Variants in PBK observed in about 807,000 individuals in gnomAD.
PBK encodes the protein PDZ binding kinase.
PBK carries 22 observed loss-of-function variants against 33.5 expected under a neutral mutation model. That is an observed-to-expected ratio of 0.66 (90% CI 0.47 to 0.94). The LOEUF (loss-of-function observed/expected upper bound fraction) is 0.94. PBK is among the 40% of genes least tolerant of loss of function. The pLI, the probability that PBK is intolerant of heterozygous loss-of-function variation, is 0.00. For missense variants in PBK, 376 were observed against 383.4 expected (o/e 0.98, Z 0.16); for synonymous variants, 129 against 123.8 (o/e 1.04, Z -0.28).
intron 7 of PBK, 141 bp from the exon 8 acceptor site, chr8:27,810,642 C>T (rs1805659122): frequency 3.3e-6 from 2 of 611,286 alleles, no homozygotes; most frequent in Non-Finnish European, 2.9e-6. Flanking sequence ...GAAATGTCTT[C>T]AATTGTCCTG....
At chr8:27,824,057 T>C (rs936599161) in intron 3 of PBK, among the ~76,000 whole-genome samples, 1 of 152,116 alleles carries the variant, frequency 6.6e-6, no homozygotes, top group African/African-American at 2.4e-5. Context: ...GCTCTAAGAC[T>C]GCAGAACCTT....
At chr8:27,816,401 T>C (rs988588178) in intron 6 of PBK, among the ~76,000 whole-genome samples, 7 of 149,036 alleles carry the variant, frequency 4.7e-5, no homozygotes, top group African/African-American at 1.7e-4. Flanking sequence ...TTTTTTGAGA[T>C]GGAATCTCGC....
rs1351343630 is a variant in PBK, at chr8:27,823,157, A to T, written c.201T>A (p.Asn67Lys). 3.2e-6 allele frequency: 5 copies of T among 1,557,592 alleles called. No individual in the cohort carries two copies. The highest frequency in any genetic ancestry group is 4.4e-6 in the Non-Finnish European group (5 of 1,131,654). The change falls in exon 4 of 8, where the codon AAT (asparagine) becomes AAA (lysine). Residue 67 changes from asparagine to lysine, a missense_variant. Transcript: ENST00000301905. Reference protein sequence around the residue: ...SHSPWAVKKINPICNDHYRSV... With the variant: ...SHSPWAVKKIKPICNDHYRSV... ...TTCGATAATGATCATTACATATAGG[A>T]TTAATCTTTTTTACAGCCCAAGGAG...
intron 5 of PBK, 114 bp from the exon 6 acceptor site, chr8:27,820,808 T>G: frequency 1.7e-6 from 1 of 571,458 alleles, no homozygotes; most frequent in Non-Finnish European, 2.9e-6. Context: ...GGTTTACATT[T>G]GTCCAGCGTT....
At chr8:27,820,892 C>T (rs1254320597) in intron 5 of PBK, among the ~76,000 whole-genome samples, 198 bp from the exon 6 acceptor site, 2 of 149,810 alleles carry the variant, frequency 1.3e-5, no homozygotes, top group Non-Finnish European at 3.0e-5. Flanking sequence ...GGCACGATCT[C>T]GGCTCACTGC....
chr8:27,821,930 A>T (rs1443275989), intron 5 of PBK, among the ~76,000 whole-genome samples: 1 of 152,196 alleles, frequency 6.6e-6, no homozygotes, highest in Non-Finnish European at 1.5e-5. Context: ...GTCACACAGT[A>T]CTTACCACTG....
chr8:27,817,642 T>C (rs549028442), intron 6 of PBK, among the ~76,000 whole-genome samples: 1 of 151,926 alleles, frequency 6.6e-6, no homozygotes, highest in East Asian at 1.9e-4. Flanking sequence ...ATAAAAAAAA[T>C]GCCTGTACTG....
In PBK at chr8:27,833,055, C is replaced by T. The variant is rs753076315; in HGVS notation, c.58+1G>A. The T allele has an allele frequency of 6.4e-7, 1 of 1,559,322 alleles. No homozygotes were observed. Among genetic ancestry groups the T allele is most frequent in the South Asian group, 1.1e-5 (1 of 87,170 alleles). The stretch of plus-strand genomic sequence containing the variant: ...AAAAAATCTTACATCTGCTATCTTA[C>T]CAGATTTCTTTTTTTCTGATAATTT... On this transcript the variant is annotated splice_donor_variant, in intron 2 of 7. Transcript: ENST00000301905. LOFTEE classifies it high-confidence loss of function.
intron 6 of PBK, among the ~76,000 whole-genome samples, chr8:27,819,152 G>A (rs1182205635): frequency 6.6e-6 from 1 of 152,056 alleles, no homozygotes; most frequent in Non-Finnish European, 1.5e-5. Flanking sequence ...CTTTCATCGA[G>A]TTTTCCCAGC....
At chr8:27,820,464 T>C in intron 6 of PBK, 101 bp downstream of exon 6, 1 of 753,552 alleles carries the variant, frequency 1.3e-6, no homozygotes, top group Non-Finnish European at 2.2e-6. Context: ...CATATACTTT[T>C]TAAAAATAGT....
chr8:27,835,573 C>A (rs554008549), intron 1 of PBK, among the ~76,000 whole-genome samples: 2 of 146,580 alleles, frequency 1.4e-5, no homozygotes, highest in Non-Finnish European at 3.0e-5. Context: ...TTTTTTGAGA[C>A]AGAGTTTTGC....
At chr8:27,817,226 A>G (rs1486746380) in intron 6 of PBK, among the ~76,000 whole-genome samples, 1 of 152,152 alleles carries the variant, frequency 6.6e-6, no homozygotes, top group Non-Finnish European at 1.5e-5. Context: ...TTTCATCTTG[A>G]TGAAAAGTAT....
chr8:27,822,371 A>C lies in PBK; in HGVS notation c.413T>G (p.Phe138Cys). Residue 138 changes from phenylalanine to cysteine, a missense_variant, in exon 5 of 8, where the codon TTT becomes TGT. Coordinates refer to ENST00000301905, the MANE Select transcript of PBK (RefSeq NM_018492.4). ...EERYKASQDPFPAAIILKVAL... is the reference protein window; with the variant it reads ...EERYKASQDPCPAAIILKVAL... ...AACTTTTAAAATTATGGCTGCTGGA[A>C]AAGGATCTTGGCTGGCTTTATATCG... The C allele has an allele frequency of 1.2e-6, 2 of 1,613,532 alleles. No homozygotes were observed. The highest frequency in any genetic ancestry group is 1.3e-5 in the African/African-American group (1 of 75,038).
At chr8:27,828,079 A>G (rs775328742) in intron 3 of PBK, 26 bp downstream of exon 3, 2 of 1,041,272 alleles carry the variant, frequency 1.9e-6, no homozygotes, top group Admixed American at 1.8e-5. Flanking sequence ...GCATGAAAAA[A>G]GGTTAATCTG....
rs368684620 is a variant in PBK at position 27,814,407 on chromosome 8, G to C, written c.596-3273C>G. On this transcript the variant is annotated intron_variant, in intron 6 of 7. Transcript: ENST00000301905. Reference sequence around the variant, plus strand: ...TTCTCATTCCTGTTGTTGGTGACTTGTGTTCTCTTTTTTCTTGATCAGTCT... The same window carrying C: ...TTCTCATTCCTGTTGTTGGTGACTTCTGTTCTCTTTTTTCTTGATCAGTCT... Among the ~76,000 whole-genome samples, 14 of 152,084 alleles carry C rather than the reference G, an allele frequency of 9.2e-5. No individual in the cohort carries two copies. The East Asian group carries it at 1.7e-3, about 19-fold the overall frequency.
At chr8:27,828,473 A>G (rs1034230242) in intron 2 of PBK, among the ~76,000 whole-genome samples, 1 of 152,168 alleles carries the variant, frequency 6.6e-6, no homozygotes, top group Non-Finnish European at 1.5e-5. Flanking sequence ...ACATTGTTAA[A>G]AGATAAAGGG....
chr8:27,826,725 G>A (rs1229997464), intron 3 of PBK, among the ~76,000 whole-genome samples: 1 of 143,782 alleles, frequency 7.0e-6, no homozygotes, highest in Non-Finnish European at 1.5e-5. Context: ...GAACCAGGGA[G>A]GCGGAGCTTG....
intron 6 of PBK, among the ~76,000 whole-genome samples, chr8:27,817,597 A>G (rs1292380728): frequency 6.6e-6 from 1 of 151,920 alleles, no homozygotes; most frequent in South Asian, 2.1e-4. Flanking sequence ...CTTTTGCGCA[A>G]TGAAGTTTTG....
intron 1 of PBK, among the ~76,000 whole-genome samples, chr8:27,835,454 C>T (rs997835822): frequency 6.6e-6 from 1 of 152,030 alleles, no homozygotes; most frequent in South Asian, 2.1e-4. Context: ...ATTTCTACTT[C>T]GGAAATAATT....
Sources: gnomAD v4.1 joint callset for allele counts (sites outside exome capture counted in the v4.1 genomes callset) on GRCh38, gnomAD v4.1.1 for gene constraint, MANE v1.5 for transcripts, NCBI Gene and HGNC (gene_info 2026-07-23, HGNC 2026-07-21) for gene names.